PRKACB: variants seen among roughly 807,000 people sequenced by gnomAD.
The protein encoded by PRKACB is protein kinase cAMP-activated catalytic subunit beta, also known as cAMP-dependent protein kinase catalytic subunit beta.
In PRKACB, 16 loss-of-function variants were observed where a neutral mutation model predicts 51.4. The ratio of observed to expected loss-of-function variants is 0.31; its 90% confidence interval spans 0.21 to 0.47. PRKACB has a LOEUF of 0.47. PRKACB is among the 20% of genes least tolerant of loss of function. The pLI is 1.00. For missense variants in PRKACB, 309 were observed against 464.5 expected (o/e 0.67, Z 3.08); for synonymous variants, 147 against 154.4 (o/e 0.95, Z 0.35).
chr1:84,117,424 C>G (rs992571936), intron 1 of PRKACB, among the ~76,000 whole-genome samples: 1 of 152,108 alleles, frequency 6.6e-6, no homozygotes, highest in African/African-American at 2.4e-5. Context: ...GTAAATCCAT[C>G]CAGCCTTTGT....
At chr1:84,140,091 A>G (rs1190644716), upstream of PRKACB, among the ~76,000 whole-genome samples, 1 of 152,166 alleles carries the variant, frequency 6.6e-6, no homozygotes, top group Non-Finnish European at 1.5e-5. Context: ...TAGAAGATTT[A>G]CACTATCAGA....
In PRKACB at chr1:84,238,063, T is replaced by A. The variant is rs1676808616; in HGVS notation, c.*2758T>A. On this transcript the variant is annotated 3_prime_UTR_variant, in exon 10 of 10. Coordinates refer to ENST00000370685, the MANE Select transcript of PRKACB (RefSeq NM_182948.4). ...TCTCTGACAGTGTTCTTAAAATTAT[T>A]TGAATATCATAAGAGCCTTGGTGTC... 1.3e-5 allele frequency: 2 copies of A among 152,170 alleles called. No individual in the cohort carries two copies. Among genetic ancestry groups the A allele is most frequent in the African/African-American group, 4.8e-5 (2 of 41,452 alleles). 9.4% of individuals were successfully genotyped at this position (152,170 alleles called of 1,614,324 possible).
intron 1 of PRKACB, among the ~76,000 whole-genome samples, chr1:84,089,542 T>A (rs1007237136): frequency 2.0e-5 from 3 of 152,140 alleles, no homozygotes; most frequent in African/African-American, 7.2e-5. Flanking sequence ...CATTTACCAG[T>A]CTCTTGCTTA....
chr1:84,180,449 G>T (rs1385544395), intron 2 of PRKACB, among the ~76,000 whole-genome samples: 1 of 151,244 alleles, frequency 6.6e-6, no homozygotes, highest in South Asian at 2.1e-4. Flanking sequence ...AGGGATAAAA[G>T]ACTACAAATA....
chr1:84,199,026 C>T (rs898696980), intron 7 of PRKACB, among the ~76,000 whole-genome samples: 28 of 142,124 alleles, frequency 2.0e-4, no homozygotes, highest in African/African-American at 6.4e-4. Flanking sequence ...CGTATATATA[C>T]ACATATATAC....
chr1:84,122,494 A>C (rs538557570), intron 1 of PRKACB, among the ~76,000 whole-genome samples: 23 of 152,316 alleles, frequency 1.5e-4, no homozygotes, highest in African/African-American at 5.5e-4. Flanking sequence ...TCATATGGCT[A>C]ATCTGCCATA....
intron 1 of PRKACB, chr1:84,173,481 A>G (rs1261339165): frequency 3.7e-6 from 3 of 804,694 alleles, no homozygotes; most frequent in African/African-American, 1.8e-5. Context: ...TACTGAAAAT[A>G]TTTTTAGTGT....
chr1:84,221,474 C>T (rs1484177399), intron 9 of PRKACB, among the ~76,000 whole-genome samples: 2 of 151,144 alleles, frequency 1.3e-5, no homozygotes, highest in Non-Finnish European at 1.5e-5. Flanking sequence ...TTCTTTCCTT[C>T]TACTAATTTT....
intron 9 of PRKACB, among the ~76,000 whole-genome samples, chr1:84,222,197 T>C (rs554550927): frequency 1.4e-4 from 21 of 152,290 alleles, no homozygotes; most frequent in African/African-American, 4.3e-4. Context: ...CATTTTACTG[T>C]TTTGACTTAA....
At chr1:84,182,161 T>G (rs535896034) in intron 2 of PRKACB, 39 bp from the exon 3 acceptor site, 9 of 1,383,388 alleles carry the variant, frequency 6.5e-6, no homozygotes, top group Non-Finnish European at 8.8e-6. Flanking sequence ...ATAGTGTTTT[T>G]ACGAGAATTT....
intron 9 of PRKACB, among the ~76,000 whole-genome samples, chr1:84,233,012 T>C (rs1482205549): frequency 6.6e-6 from 1 of 151,970 alleles, no homozygotes; most frequent in Non-Finnish European, 1.5e-5. Flanking sequence ...ATAGTCTCGA[T>C]GGTCTTTACA....
At chr1:84,157,666 C>T (rs1005671631) in intron 1 of PRKACB, among the ~76,000 whole-genome samples, 3 of 152,002 alleles carry the variant, frequency 2.0e-5, no homozygotes, top group African/African-American at 7.2e-5. Flanking sequence ...TTATCTTTTA[C>T]TTTTGGCTTC....
At chr1:84,158,085 T>C (rs61766377) in intron 1 of PRKACB, among the ~76,000 whole-genome samples, 122 of 144,210 alleles carry the variant, frequency 8.5e-4, no homozygotes, top group Middle Eastern at 3.5e-3. Context: ...TTTTTTTTTT[T>C]CCCCTCCTGA....
intron 1 of PRKACB, among the ~76,000 whole-genome samples, chr1:84,104,879 T>C (rs549193105): frequency 6.6e-6 from 1 of 152,306 alleles, no homozygotes; most frequent in East Asian, 1.9e-4. Context: ...TAGAAGTTTA[T>C]TCCTCAGTAC....
chr1:84,121,408 T>C (rs1479098199), intron 1 of PRKACB, among the ~76,000 whole-genome samples: 2 of 152,076 alleles, frequency 1.3e-5, no homozygotes, highest in East Asian at 1.9e-4. Context: ...TACATATATA[T>C]GTACACATTC....
intron 7 of PRKACB, among the ~76,000 whole-genome samples, chr1:84,200,934 T>C (rs948472104): frequency 2.0e-5 from 3 of 152,168 alleles, no homozygotes; most frequent in Non-Finnish European, 4.4e-5. Flanking sequence ...TACCATAAAA[T>C]ATGTAGCCAC....
chr1:84,187,312 A>G (rs1665425721), intron 5 of PRKACB, among the ~76,000 whole-genome samples: 1 of 152,176 alleles, frequency 6.6e-6, no homozygotes, highest in Non-Finnish European at 1.5e-5. Flanking sequence ...TACCTATAGC[A>G]GTTACTGATT....
chr1:84,224,645 T>G (rs1332143552), intron 9 of PRKACB, among the ~76,000 whole-genome samples: 6 of 152,262 alleles, frequency 3.9e-5, no homozygotes, highest in Admixed American at 1.3e-4. Context: ...AGGCATTTAC[T>G]CAGGCCCCTC....
intron 1 of PRKACB, among the ~76,000 whole-genome samples, chr1:84,113,035 A>G (rs1557952603): frequency 6.6e-6 from 1 of 152,222 alleles, no homozygotes; most frequent in East Asian, 1.9e-4. Flanking sequence ...AAATAGAAAA[A>G]CATAGCAAAG....
Sources: gnomAD v4.1 joint callset for allele counts (sites outside exome capture counted in the v4.1 genomes callset) on GRCh38, gnomAD v4.1.1 for gene constraint, MANE v1.5 for transcripts, NCBI Gene and HGNC (gene_info 2026-07-23, HGNC 2026-07-21) for gene names.